SNTG1: variants seen among roughly 807,000 people sequenced by gnomAD.
The protein encoded by SNTG1 is syntrophin gamma 1.
SNTG1 carries 39 observed loss-of-function variants against 74.7 expected under a neutral mutation model. The observed-to-expected ratio is 0.52, with a 90% CI of 0.40 to 0.68. The LOEUF (loss-of-function observed/expected upper bound fraction) is 0.68. Among genes scored for constraint, SNTG1 ranks in the 30% least tolerant of loss-of-function variants. The pLI is 0.00. For synonymous variants in SNTG1, 254 were observed against 217.1 expected (o/e 1.17, Z -1.49); for missense variants, 685 against 609.5 (o/e 1.12, Z -1.30).
chr8:50,450,495 TC>T, intron 6 of SNTG1, 60 bp from the exon 7 acceptor site: 1 of 1,532,616 alleles, frequency 6.5e-7, no homozygotes, highest in Non-Finnish European at 9.0e-7. Context: ...TAATTAAAAG[TC>T]CTTTCATCTG....
intron 1 of SNTG1, among the ~76,000 whole-genome samples, chr8:50,158,873 A>G (rs982280554): frequency 6.6e-6 from 1 of 152,160 alleles, no homozygotes; most frequent in African/African-American, 2.4e-5. Context: ...TTGGATATGG[A>G]CACCTTTAAC....
intron 8 of SNTG1, among the ~76,000 whole-genome samples, chr8:50,484,136 CCTTCT>C (rs1563453435): frequency 1.9e-4 from 15 of 77,970 alleles, no homozygotes; most frequent in African/African-American, 5.7e-4. Flanking sequence ...TTCTTTCTTT[CCTTCT>C]TTCTTTCTTT....
intron 13 of SNTG1, among the ~76,000 whole-genome samples, chr8:50,602,801 C>G (rs2094784406): frequency 6.6e-6 from 1 of 151,934 alleles, no homozygotes; most frequent in African/African-American, 2.4e-5. Context: ...TAGTTATTTT[C>G]CTTCATCGCT....
Position 50,318,905 on chromosome 8 carries a change from C to G in SNTG1, c.-27-75307C>G, listed in dbSNP as rs151129254. Among the ~76,000 whole-genome samples the G allele has an allele frequency of 8.6e-3, 1,299 of 151,748 alleles. 9 individuals carry two copies. Among genetic ancestry groups the G allele is most frequent in the Non-Finnish European group, 0.012 (822 of 67,926 alleles). ...TATTTTCTATTTCAATTCTATAATT[C>G]TTACGTTTTATCAATAGAATACATA... On this transcript the variant is annotated intron_variant, in intron 2 of 18. Transcript: ENST00000642720.
chr8:49,998,496 C>A (rs568695690), intron 1 of SNTG1, among the ~76,000 whole-genome samples: 13 of 151,776 alleles, frequency 8.6e-5, no homozygotes, highest in Admixed American at 4.6e-4. Flanking sequence ...TAAAACTGTA[C>A]AAAATATTTT....
At chr8:50,583,578 C>G (rs1328898018) in intron 12 of SNTG1, among the ~76,000 whole-genome samples, 1 of 151,936 alleles carries the variant, frequency 6.6e-6, no homozygotes, top group Non-Finnish European at 1.5e-5. Context: ...CATTTTACTA[C>G]CCAATGGAAG....
chr8:50,385,476 C>T (rs921573466), intron 2 of SNTG1, among the ~76,000 whole-genome samples: 3 of 152,202 alleles, frequency 2.0e-5, no homozygotes, highest in Non-Finnish European at 4.4e-5. Context: ...ATTTATTTCC[C>T]ACTTTCTGAC....
intron 15 of SNTG1, among the ~76,000 whole-genome samples, chr8:50,685,180 A>G (rs1251485213): frequency 2.6e-5 from 4 of 152,160 alleles, no homozygotes; most frequent in Non-Finnish European, 4.4e-5. Flanking sequence ...GGTTGTGGTC[A>G]ATGTATTCTC....
chr8:50,584,397 T>C (rs1457191318), intron 12 of SNTG1, among the ~76,000 whole-genome samples: 1 of 152,130 alleles, frequency 6.6e-6, no homozygotes, highest in Admixed American at 6.5e-5. Flanking sequence ...GTAAAAGTGT[T>C]CCTATGTCTC....
At chr8:50,568,109 T>C in intron 12 of SNTG1, among the ~76,000 whole-genome samples, 1 of 152,124 alleles carries the variant, frequency 6.6e-6, no homozygotes, top group Non-Finnish European at 1.5e-5. Context: ...ATGCAATGTC[T>C]GTCTTTCTAT....
At chr8:50,659,822 G>A (rs1184615371) in intron 15 of SNTG1, among the ~76,000 whole-genome samples, 3 of 152,146 alleles carry the variant, frequency 2.0e-5, no homozygotes, top group African/African-American at 7.2e-5. Context: ...TGAAATAATT[G>A]CCAAAATGGC....
intron 1 of SNTG1, among the ~76,000 whole-genome samples, chr8:49,993,014 C>T (rs1813834841): frequency 6.6e-6 from 1 of 151,964 alleles, no homozygotes; most frequent in South Asian, 2.1e-4. Flanking sequence ...TAATAAATAC[C>T]ATTTACATGT....
chr8:50,245,656 C>G (rs1563791882), intron 2 of SNTG1, among the ~76,000 whole-genome samples: 1 of 152,074 alleles, frequency 6.6e-6, no homozygotes, highest in Non-Finnish European at 1.5e-5. Context: ...GCACTTCAGC[C>G]TAAGTGGCAG....
intron 2 of SNTG1, among the ~76,000 whole-genome samples, chr8:50,300,334 T>G (rs922173974): frequency 3.9e-5 from 6 of 152,176 alleles, no homozygotes; most frequent in Admixed American, 2.6e-4. Flanking sequence ...GTATACATTT[T>G]TGTGTGTGTG....
At chr8:50,331,254 C>G (rs1338589967) in intron 2 of SNTG1, among the ~76,000 whole-genome samples, 5 of 152,090 alleles carry the variant, frequency 3.3e-5, no homozygotes, top group Non-Finnish European at 5.9e-5. Context: ...TGTGTCTTTA[C>G]AGCAGCACAC....
rs561152245 is a variant in SNTG1 at position 50,137,102 on chromosome 8, G to A, written c.-102-35459G>A. On this transcript the variant is annotated intron_variant, in intron 1 of 18. Transcript: ENST00000642720. ...TTTTCAGCAGAGTAGTTGCCACAAA[G>A]ACACTCTAAGAAATACAAACATTAT... Among the ~76,000 whole-genome samples the A allele has an allele frequency of 2.6e-3, 392 of 152,218 alleles. 2 individuals are homozygous for A. The highest frequency in any genetic ancestry group is 0.012 in the South Asian group (59 of 4,826).
chr8:50,474,774 A>G (rs2093682629), intron 8 of SNTG1, among the ~76,000 whole-genome samples: 1 of 152,160 alleles, frequency 6.6e-6, no homozygotes, highest in South Asian at 2.1e-4. Context: ...AGACACATGC[A>G]CACGTATGTT....
intron 1 of SNTG1, among the ~76,000 whole-genome samples, chr8:50,050,544 A>G (rs1242337328): frequency 1.3e-5 from 2 of 152,068 alleles, no homozygotes; most frequent in African/African-American, 4.8e-5. Context: ...AGATTGAATT[A>G]TAAGTAAAAA....
rs770299510 is a variant in SNTG1 at position 50,794,653 on chromosome 8, T to C, written c.*1824T>C. 2 of 151,988 alleles carry C rather than the reference T, an allele frequency of 1.3e-5. No individual in the cohort carries two copies. Among genetic ancestry groups the C allele is most frequent in the African/African-American group, 2.4e-5 (1 of 41,434 alleles). 9.4% of individuals were successfully genotyped at this position (151,988 alleles called of 1,614,324 possible). A position where few individuals can be genotyped will look rare whatever the true frequency, so the allele number is the denominator to read the frequency against. The stretch of plus-strand genomic sequence containing the variant: ...TTCTGAACTTATGGAGAAAAAGCAG[T>C]GGGATACATCGAACTTAGAATTTTC... On this transcript the variant is annotated 3_prime_UTR_variant, in exon 19 of 19. Transcript: ENST00000642720.
Sources: allele counts gnomAD v4.1 joint callset (sites outside exome capture counted in the v4.1 genomes callset), GRCh38; gene constraint gnomAD v4.1.1; transcripts MANE v1.5; gene names NCBI Gene and HGNC (gene_info 2026-07-23, HGNC 2026-07-21).